The following ANKFN1 variants were observed in gnomAD, a reference collection of about 807,000 sequenced individuals.
ANKFN1 encodes ankyrin repeat and fibronectin type-III domain-containing protein 1.
Under a neutral mutation model 108.7 loss-of-function variants are expected in ANKFN1, and 74 were observed. That is an observed-to-expected ratio of 0.68 (90% CI 0.56 to 0.83). The LOEUF is 0.83. Ranked by LOEUF, ANKFN1 falls within the 40% of genes least tolerant of loss-of-function variation. ANKFN1 has a pLI of 0.00. For synonymous variants in ANKFN1, 547 were observed against 516.2 expected (o/e 1.06, Z -0.81); for missense variants, 1,505 against 1,382.3 (o/e 1.09, Z -1.41).
At chr17:56,229,693 G>C (rs1462678970) in intron 3 of ANKFN1, among the ~76,000 whole-genome samples, 2 of 148,964 alleles carry the variant, frequency 1.3e-5, no homozygotes, top group Non-Finnish European at 3.0e-5. Context: ...AAAAAAGGGG[G>C]GTTGGGGGGT....
At position 56,094,077 on chromosome 17, in the gene ANKFN1, G is replaced by A. The variant is rs142068832; in HGVS notation, c.288+47752G>A. ...TACACCGTATGACCATAAAGGCAGA[G>A]AGCAGGGTGATGCATCTACATCCCA... On this transcript the variant is annotated intron_variant, in intron 4 of 12. Coordinates refer to the ANKFN1 transcript ENST00000635860. Among the ~76,000 whole-genome samples the A allele has an allele frequency of 1.4e-3, 208 of 151,360 alleles. 12 individuals carry two copies. Among genetic ancestry groups the A allele is most frequent in the African/African-American group, 4.9e-3 (202 of 41,274 alleles).
chr17:56,248,655 A>G (rs1399513403), intron 3 of ANKFN1, among the ~76,000 whole-genome samples: 3 of 152,160 alleles, frequency 2.0e-5, no homozygotes, highest in Admixed American at 6.5e-5. Context: ...CCAGACCCCA[A>G]AGCCTATCCT....
At chr17:56,174,841 CTTAACCCTGGGGA>C (rs1383027909) in intron 1 of ANKFN1, among the ~76,000 whole-genome samples, 1 of 152,188 alleles carries the variant, frequency 6.6e-6, no homozygotes, top group Non-Finnish European at 1.5e-5. Flanking sequence ...GAAAGCCAAG[CTTAACCCTGGGGA>C]TTTGAGAGGG....
intron 8 of ANKFN1, among the ~76,000 whole-genome samples, chr17:56,436,350 C>T (rs1313792864): frequency 1.3e-5 from 2 of 152,180 alleles, no homozygotes; most frequent in Non-Finnish European, 2.9e-5. Context: ...CAATTAAGCC[C>T]TGCTTTTCCT....
At chr17:56,059,691 A>G (rs1233131903) in intron 4 of ANKFN1, among the ~76,000 whole-genome samples, 1 of 152,066 alleles carries the variant, frequency 6.6e-6, no homozygotes, top group Non-Finnish European at 1.5e-5. Flanking sequence ...TGAATAGGAG[A>G]TCCTTTCCCT....
At chr17:56,081,855 A>G (rs1905249631) in intron 4 of ANKFN1, among the ~76,000 whole-genome samples, 1 of 152,174 alleles carries the variant, frequency 6.6e-6, no homozygotes, top group African/African-American at 2.4e-5. Context: ...TTCTGGTGGA[A>G]TGCCCCTGGA....
At chr17:56,273,076 C>T (rs112370896) in intron 3 of ANKFN1, among the ~76,000 whole-genome samples, 188 of 152,262 alleles carry the variant, frequency 1.2e-3, no homozygotes, top group African/African-American at 4.0e-3. Context: ...CTACCTTTTC[C>T]GGGACATGTT....
intron 11 of ANKFN1, among the ~76,000 whole-genome samples, chr17:56,450,968 T>G (rs1486955545): frequency 2.6e-5 from 4 of 152,170 alleles, no homozygotes; most frequent in African/African-American, 9.7e-5. Flanking sequence ...AATGTAAATA[T>G]ACACACAATA....
intron 6 of ANKFN1, among the ~76,000 whole-genome samples, chr17:56,366,926 T>A (rs769543580): frequency 1.3e-5 from 2 of 152,208 alleles, no homozygotes; most frequent in Non-Finnish European, 2.9e-5. Context: ...CGGAGTTGTA[T>A]GAAAATGGAC....
rs1555645720 is a variant in ANKFN1 at position 56,399,843 on chromosome 17, T to TATA, written c.910+25129_910+25130insATA. 8.3e-3 allele frequency among the ~76,000 whole-genome samples: 538 copies of TATA among 64,818 alleles called. 2 individuals carry two copies. The highest frequency in any genetic ancestry group is 0.043 in the Middle Eastern group (4 of 94). The allele number at this position is 64,818 out of a possible 152,430, so 42.5% of individuals were successfully genotyped here. A position where few individuals can be genotyped will look rare whatever the true frequency, so the allele number is the denominator to read the frequency against. ...TTATGGCTGAGTAGTATTCCATTTTTTATATATATATATATATATATATAT... is the reference window on the plus strand; with the variant it reads ...TTATGGCTGAGTAGTATTCCATTTTTATATATATATATATATATATATATATAT... On this transcript the variant is annotated intron_variant, in intron 8 of 20. Coordinates refer to ENST00000682825, the MANE Select transcript of ANKFN1 (RefSeq NM_001370326.1).
At chr17:56,400,848 C>G (rs189066108) in intron 8 of ANKFN1, among the ~76,000 whole-genome samples, 1 of 152,188 alleles carries the variant, frequency 6.6e-6, no homozygotes, top group Admixed American at 6.5e-5. Flanking sequence ...AAAGGGTGTC[C>G]TTTCCCCACT....
chr17:56,058,196 T>C (rs1904913671), intron 4 of ANKFN1, among the ~76,000 whole-genome samples: 2 of 152,210 alleles, frequency 1.3e-5, no homozygotes, highest in African/African-American at 4.8e-5. Context: ...AGCCAGTCTG[T>C]CCTTTGAAGC....
chr17:56,103,156 C>T (rs1487951152), intron 4 of ANKFN1, among the ~76,000 whole-genome samples: 3 of 152,126 alleles, frequency 2.0e-5, no homozygotes, highest in African/African-American at 7.2e-5. Context: ...AGTCAATCAG[C>T]ACTGAAGGAG....
intron 3 of ANKFN1, among the ~76,000 whole-genome samples, chr17:56,237,019 ATGT>A (rs1256656850): frequency 2.0e-5 from 3 of 152,118 alleles, no homozygotes; most frequent in Non-Finnish European, 2.9e-5. Flanking sequence ...TGAGATAATC[ATGT>A]TGTTTTTGTC....
At chr17:56,452,518 C>G (rs2049524225) in intron 11 of ANKFN1, among the ~76,000 whole-genome samples, 1 of 152,168 alleles carries the variant, frequency 6.6e-6, no homozygotes, top group African/African-American at 2.4e-5. Context: ...TTAACATCCT[C>G]TCTCTGGAAA....
intron 4 of ANKFN1, among the ~76,000 whole-genome samples, chr17:56,069,669 A>G (rs888969375): frequency 2.0e-5 from 3 of 152,196 alleles, no homozygotes; most frequent in East Asian, 3.9e-4. Context: ...AAAGGCCAGA[A>G]TCCTGAAATG....
intron 8 of ANKFN1, among the ~76,000 whole-genome samples, chr17:56,378,253 C>T (rs2046995629): frequency 6.6e-6 from 1 of 152,080 alleles, no homozygotes; most frequent in Non-Finnish European, 1.5e-5. Flanking sequence ...GGGGACATTT[C>T]AGCTTCTAAG....
intron 4 of ANKFN1, among the ~76,000 whole-genome samples, chr17:56,048,120 T>C (rs1240715466): frequency 2.0e-5 from 3 of 151,468 alleles, no homozygotes; most frequent in Non-Finnish European, 2.9e-5. Flanking sequence ...TATTCCAAAA[T>C]ACTTTCCCTT....
chr17:56,350,993 G>T (rs750407082), intron 5 of ANKFN1, 26 bp downstream of exon 5: 1 of 1,604,376 alleles, frequency 6.2e-7, no homozygotes, highest in South Asian at 1.1e-5. Context: ...TTATTCTTGT[G>T]TCAGTTTGAT....
Sources: allele counts gnomAD v4.1 joint callset (sites outside exome capture counted in the v4.1 genomes callset), GRCh38; gene constraint gnomAD v4.1.1; transcripts MANE v1.5; gene names NCBI Gene and HGNC (gene_info 2026-07-23, HGNC 2026-07-21).